The following CLMN variants were observed in gnomAD, a reference collection of about 807,000 sequenced individuals.
CLMN encodes calmin.
Under a neutral mutation model 92.7 loss-of-function variants are expected in CLMN, and 57 were observed. The observed-to-expected ratio is 0.61, with a 90% CI of 0.50 to 0.77. The LOEUF is 0.77. Among genes scored for constraint, CLMN ranks in the 30% least tolerant of loss-of-function variants. The pLI is 0.00. For synonymous variants in CLMN, 466 were observed against 470.6 expected, an observed-to-expected ratio of 0.99 and a Z score of 0.13; for missense variants, 1,158 against 1,237.5, an observed-to-expected ratio of 0.94 and a Z score of 0.96.
At chr14:95,271,019 G>A (rs1443780554) in intron 1 of CLMN, among the ~76,000 whole-genome samples, 1 of 152,152 alleles carries the variant, frequency 6.6e-6, no homozygotes, top group African/African-American at 2.4e-5. Context: ...GATGTGAAGT[G>A]GCATATCATT....
At chr14:95,306,521 C>T (rs1269267144) in intron 1 of CLMN, among the ~76,000 whole-genome samples, 4 of 151,968 alleles carry the variant, frequency 2.6e-5, no homozygotes, top group African/African-American at 9.7e-5. Flanking sequence ...CAGAGCTAGA[C>T]TCCATCTCAA....
At chr14:95,266,611 A>G (rs1168123361) in intron 1 of CLMN, among the ~76,000 whole-genome samples, 1 of 152,248 alleles carries the variant, frequency 6.6e-6, no homozygotes, top group Non-Finnish European at 1.5e-5. Context: ...TAAAATGTCA[A>G]GATCACCCAA....
At chr14:95,213,536 G>T in intron 5 of CLMN, 127 bp from the exon 6 acceptor site, 4 of 796,606 alleles carry the variant, frequency 5.0e-6, no homozygotes, top group Non-Finnish European at 7.8e-6. Context: ...TTCTCTGAAT[G>T]CAGAGAAACC....
intron 1 of CLMN, among the ~76,000 whole-genome samples, chr14:95,314,049 G>C (rs1901656392): frequency 6.6e-6 from 1 of 152,202 alleles, no homozygotes; most frequent in Non-Finnish European, 1.5e-5. Flanking sequence ...CTTCTTCCTA[G>C]GTCTGCTGCC....
intron 2 of CLMN, among the ~76,000 whole-genome samples, chr14:95,228,829 C>A (rs1421468550): frequency 1.3e-5 from 2 of 152,140 alleles, no homozygotes; most frequent in African/African-American, 4.8e-5. Context: ...CATGAGCCAC[C>A]ACGCCCAGCT....
At chr14:95,211,008 G>T in intron 6 of CLMN, 129 bp from the exon 7 acceptor site, 2 of 854,460 alleles carry the variant, frequency 2.3e-6, no homozygotes, top group South Asian at 4.2e-5. Context: ...AGGTGAAGAC[G>T]CCTTCATCCC....
intron 1 of CLMN, among the ~76,000 whole-genome samples, chr14:95,244,770 C>T (rs1469651773): frequency 4.6e-5 from 7 of 151,954 alleles, no homozygotes; most frequent in Admixed American, 2.6e-4. Context: ...CACACTAGTG[C>T]GCTAAAAGAA....
At chr14:95,310,278 C>T (rs78204758) in intron 1 of CLMN, among the ~76,000 whole-genome samples, 1 of 152,318 alleles carries the variant, frequency 6.6e-6, no homozygotes, top group East Asian at 1.9e-4. Context: ...GCAAAAACGA[C>T]CTAACACAAG....
intron 2 of CLMN, 35 bp from the exon 3 acceptor site, chr14:95,223,890 C>T: frequency 6.9e-7 from 1 of 1,440,176 alleles, no homozygotes; most frequent in Non-Finnish European, 9.7e-7. Flanking sequence ...AGCCAATTAG[C>T]AACCTGTGTG....
chr14:95,250,215 C>T (rs760259599), intron 1 of CLMN, among the ~76,000 whole-genome samples: 21 of 152,182 alleles, frequency 1.4e-4, no homozygotes, highest in Non-Finnish European at 2.8e-4. Flanking sequence ...TTTGATGAAG[C>T]CATTGTAAGT....
rs562219048 is a variant in CLMN at position 95,273,548 on chromosome 14, G to A, written c.83-43415C>T. On this transcript the variant is annotated intron_variant, in intron 1 of 12. Transcript: ENST00000298912. ...ATAAACACTACTCCCAGTGCAGTAA[G>A]CCATGCTCAGGAAAGGCCCTGAAAG... Among the ~76,000 whole-genome samples, 7 of 152,296 alleles carry A rather than the reference G, an allele frequency of 4.6e-5. No individual in the cohort carries two copies. The South Asian group carries it at 1.5e-3, about 32-fold the overall frequency.
intron 1 of CLMN, among the ~76,000 whole-genome samples, chr14:95,238,660 T>G (rs1362918925): frequency 6.6e-6 from 1 of 152,118 alleles, no homozygotes; most frequent in African/African-American, 2.4e-5. Flanking sequence ...CCTGCCACCA[T>G]GCTGACCAGG....
intron 1 of CLMN, among the ~76,000 whole-genome samples, chr14:95,245,692 GTGGATGGATGGA>G (rs1190138572): frequency 2.8e-5 from 2 of 70,962 alleles, no homozygotes; most frequent in African/African-American, 5.2e-5. Flanking sequence ...GGGTGGGTGG[GTGGATGGATGGA>G]TGGATGGATG....
intron 1 of CLMN, among the ~76,000 whole-genome samples, chr14:95,300,786 G>T (rs753443282): frequency 1.3e-5 from 2 of 152,154 alleles, no homozygotes; most frequent in African/African-American, 4.8e-5. Flanking sequence ...ATTATATCCC[G>T]ATGAGACCGG....
chr14:95,215,813 CTCTGTGTG>C (rs1349366868), intron 4 of CLMN, 80 bp from the exon 5 acceptor site: 315 of 851,178 alleles, frequency 3.7e-4, no homozygotes, highest in African/African-American at 2.9e-3. Flanking sequence ...CTCTCTCTCT[CTCTGTGTG>C]TGTGTGTGTG....
At chr14:95,219,692 A>C (rs1419728228) in intron 4 of CLMN, among the ~76,000 whole-genome samples, 1 of 152,178 alleles carries the variant, frequency 6.6e-6, no homozygotes, top group Non-Finnish European at 1.5e-5. Flanking sequence ...GTACTCCAGG[A>C]CCTGTGCTGG....
intron 1 of CLMN, among the ~76,000 whole-genome samples, chr14:95,254,608 T>C (rs1054476821): frequency 2.0e-5 from 3 of 152,214 alleles, no homozygotes; most frequent in Non-Finnish European, 4.4e-5. Context: ...TGTTATGGGC[T>C]GAACGGTGTT....
chr14:95,242,026 G>A (rs1054802112), intron 1 of CLMN, among the ~76,000 whole-genome samples: 8 of 152,010 alleles, frequency 5.3e-5, no homozygotes, highest in African/African-American at 1.9e-4. Context: ...GGTCGAAGTT[G>A]GATCATTGTT....
At chr14:95,208,956 T>C (rs1368759524) in intron 8 of CLMN, among the ~76,000 whole-genome samples, 1 of 152,204 alleles carries the variant, frequency 6.6e-6, no homozygotes, top group Admixed American at 6.5e-5. Flanking sequence ...GCCACCACGA[T>C]ATCAAAGTGC....
Sources: allele counts gnomAD v4.1 joint callset (sites outside exome capture counted in the v4.1 genomes callset), GRCh38; gene constraint gnomAD v4.1.1; transcripts MANE v1.5; gene names NCBI Gene and HGNC (gene_info 2026-07-23, HGNC 2026-07-21).